Variants in WDPCP observed in about 807,000 individuals in gnomAD.
WDPCP encodes the protein WD repeat containing planar cell polarity effector.
WDPCP carries 71 observed loss-of-function variants against 93.1 expected under a neutral mutation model. The ratio of observed to expected loss-of-function variants is 0.76; its 90% CI spans 0.63 to 0.93. The LOEUF (loss-of-function observed/expected upper bound fraction) is 0.93. Among genes scored for constraint, WDPCP ranks in the 40% least tolerant of loss-of-function variants. The pLI, the probability that WDPCP is intolerant of heterozygous loss-of-function variation, is 0.00. For missense variants in WDPCP, 844 were observed against 887.4 expected (o/e 0.95, Z 0.62); for synonymous variants, 315 against 315.0 (o/e 1.00, Z 0.00).
chr2:63,587,049 G>A (rs759016849), intron 1 of WDPCP, among the ~76,000 whole-genome samples: 1 of 152,142 alleles, frequency 6.6e-6, no homozygotes, highest in Non-Finnish European at 1.5e-5. Flanking sequence ...CTTTCTGTTA[G>A]CAGCTAGTAG....
intron 1 of WDPCP, among the ~76,000 whole-genome samples, chr2:63,558,739 C>T (rs927641593): frequency 3.3e-5 from 5 of 152,030 alleles, no homozygotes; most frequent in Admixed American, 2.6e-4. Context: ...CAGGAAGAAG[C>T]TGAATCCCTA....
intron 3 of WDPCP, among the ~76,000 whole-genome samples, chr2:63,614,516 G>A (rs1036701067): frequency 6.6e-6 from 1 of 152,170 alleles, no homozygotes; most frequent in Non-Finnish European, 1.5e-5. Flanking sequence ...GGTATGCTGA[G>A]TACTTTGAAA....
chr2:63,267,552 T>C (rs533371649), intron 13 of WDPCP, among the ~76,000 whole-genome samples: 1 of 152,272 alleles, frequency 6.6e-6, no homozygotes, highest in African/African-American at 2.4e-5. Context: ...AGATAAACCA[T>C]GTATTGGGAG....
intron 6 of WDPCP, among the ~76,000 whole-genome samples, chr2:63,455,587 G>A (rs1698570215): frequency 6.6e-6 from 1 of 151,732 alleles, no homozygotes; most frequent in African/African-American, 2.4e-5. Context: ...TAAAAACAAA[G>A]GTCATCATAC....
rs1025557517 is a variant in WDPCP at position 63,632,773 on chromosome 2, G to C, written n.488+17886C>G. Among the ~76,000 whole-genome samples the C allele has an allele frequency of 2.0e-5, 3 of 152,262 alleles. No individual in the cohort carries two copies. In the South Asian group the frequency reaches 6.2e-4, roughly 32 times the overall value. On this transcript the variant is annotated intron_variant and non_coding_transcript_variant, in intron 3 of 4. Coordinates refer to the WDPCP transcript ENST00000467687. ...ATACATTATGGGAGTTGCAGAAGGA[G>C]AAGAGAGAGAGAGCAAAGCATGCAG...
At chr2:63,420,389 C>A (rs1054046495) in intron 9 of WDPCP, among the ~76,000 whole-genome samples, 4 of 114,910 alleles carry the variant, frequency 3.5e-5, no homozygotes, top group Admixed American at 8.6e-5. Context: ...GAAAAATTAG[C>A]CGGCTATGGT....
chr2:63,563,386 C>T (rs115865255), intron 1 of WDPCP, among the ~76,000 whole-genome samples: 6,885 of 151,714 alleles, frequency 0.045, 188 homozygotes, highest in South Asian at 0.071. Flanking sequence ...TGAAAAAATA[C>T]GGAAGCACTG....
intron 12 of WDPCP, among the ~76,000 whole-genome samples, chr2:63,334,306 G>C (rs563743047): frequency 1.3e-5 from 2 of 152,118 alleles, no homozygotes; most frequent in African/African-American, 4.8e-5. Context: ...TTGAGGATGC[G>C]TGCCTGTAAC....
At chr2:63,470,532 T>C (rs1699631433) in intron 6 of WDPCP, among the ~76,000 whole-genome samples, 1 of 152,064 alleles carries the variant, frequency 6.6e-6, no homozygotes, top group Admixed American at 6.6e-5. Context: ...ATCTGGCCAT[T>C]TCTCACCACT....
intron 3 of WDPCP, chr2:63,604,570 A>G (rs1472201390): frequency 9.4e-6 from 7 of 745,196 alleles, no homozygotes; most frequent in Non-Finnish European, 1.5e-5. Flanking sequence ...AAGTCAATAT[A>G]ACTCTTGTGT....
chr2:63,823,269 A>T (rs1671052003), intron 1 of WDPCP, among the ~76,000 whole-genome samples: 1 of 151,424 alleles, frequency 6.6e-6, no homozygotes, highest in Non-Finnish European at 1.5e-5. Flanking sequence ...GCACTTTGGG[A>T]GGCCAAGGTG....
At chr2:63,549,032 T>C (rs1487064346) in intron 1 of WDPCP, among the ~76,000 whole-genome samples, 1 of 151,770 alleles carries the variant, frequency 6.6e-6, no homozygotes, top group Non-Finnish European at 1.5e-5. Context: ...GTGGATCACC[T>C]GAGGTCAGGA....
At chr2:63,420,504 A>G (rs1695776544) in intron 9 of WDPCP, among the ~76,000 whole-genome samples, 1 of 151,190 alleles carries the variant, frequency 6.6e-6, no homozygotes, top group Non-Finnish European at 1.5e-5. Flanking sequence ...ATTGCACTCC[A>G]GCCTGGGCAA....
intron 2 of WDPCP, among the ~76,000 whole-genome samples, chr2:63,780,888 CA>C (rs1558909055): frequency 1.3e-5 from 2 of 151,948 alleles, no homozygotes; most frequent in Non-Finnish European, 2.9e-5. Flanking sequence ...AAACAAAATC[CA>C]AAATAAAACA....
intron 12 of WDPCP, among the ~76,000 whole-genome samples, chr2:63,372,395 C>T (rs72815377): frequency 0.16 from 24,358 of 152,106 alleles, 2,599 homozygotes; most frequent in Non-Finnish European, 0.21. Flanking sequence ...GTCTGTTTTG[C>T]CCTTTGCCAT....
chr2:63,577,389 T>G (rs117100461), intron 1 of WDPCP, among the ~76,000 whole-genome samples: 1 of 152,328 alleles, frequency 6.6e-6, no homozygotes, highest in East Asian at 1.9e-4. Flanking sequence ...TAAAGTTTAT[T>G]GTTTGGGGGA....
chr2:63,733,453 C>T (rs1331607341), intron 2 of WDPCP, among the ~76,000 whole-genome samples: 13 of 151,950 alleles, frequency 8.6e-5, no homozygotes, highest in African/African-American at 2.9e-4. Context: ...CCACCCGCCT[C>T]GGCCTCCCAA....
chr2:63,794,546 T>C (rs1359945222), intron 2 of WDPCP, among the ~76,000 whole-genome samples: 1 of 152,238 alleles, frequency 6.6e-6, no homozygotes, highest in Non-Finnish European at 1.5e-5. Flanking sequence ...AGCACGTAGC[T>C]GTATTTGTTA....
At chr2:63,501,902 C>T (rs531304034) in intron 1 of WDPCP, among the ~76,000 whole-genome samples, 1 of 152,300 alleles carries the variant, frequency 6.6e-6, no homozygotes, top group East Asian at 1.9e-4. Flanking sequence ...AGGTGTGAGC[C>T]ACCGTGCCTG....
Sources: allele counts gnomAD v4.1 joint callset (sites outside exome capture counted in the v4.1 genomes callset), GRCh38; gene constraint gnomAD v4.1.1; transcripts MANE v1.5; gene names NCBI Gene and HGNC (gene_info 2026-07-23, HGNC 2026-07-21).